LARGE1: variants seen among roughly 807,000 people sequenced by gnomAD.
LARGE1 encodes the protein xylosyl- and glucuronyltransferase LARGE1.
A neutral mutation model predicts 87.6 loss-of-function variants in LARGE1; 43 were observed. The ratio of observed to expected loss-of-function variants is 0.49; its 90% confidence interval spans 0.38 to 0.63. The LOEUF (loss-of-function observed/expected upper bound fraction) is 0.63, where lower values mean the gene tolerates loss of function less well. LARGE1 is among the 30% of genes least tolerant of loss of function. The pLI is 0.00. For missense variants in LARGE1, 802 were observed against 1,000.2 expected, an observed-to-expected ratio of 0.80 and a Z score of 2.67; for synonymous variants, 434 against 394.6, an observed-to-expected ratio of 1.10 and a Z score of -1.18.
At chr22:33,417,920 T>C (rs188481162) in intron 7 of LARGE1, among the ~76,000 whole-genome samples, 159 of 152,334 alleles carry the variant, frequency 1.0e-3, no homozygotes, top group Admixed American at 1.7e-3. Flanking sequence ...CCTTTGACTC[T>C]ATCTCTTCTA....
At chr22:33,617,378 TC>T (rs1372450417) in intron 4 of LARGE1, among the ~76,000 whole-genome samples, 2 of 152,218 alleles carry the variant, frequency 1.3e-5, no homozygotes, top group Non-Finnish European at 2.9e-5. Flanking sequence ...TGAGTCTACA[TC>T]CTATTCTCTT....
intron 5 of LARGE1, among the ~76,000 whole-genome samples, chr22:33,602,872 C>G (rs945298613): frequency 2.0e-5 from 3 of 152,172 alleles, no homozygotes; most frequent in African/African-American, 7.2e-5. Flanking sequence ...TGGCACTGGA[C>G]TCCTACCCAA....
intron 12 of LARGE1, among the ~76,000 whole-genome samples, chr22:33,291,253 G>A (rs1932494461): frequency 6.6e-6 from 1 of 152,170 alleles, no homozygotes; most frequent in Admixed American, 6.5e-5. Flanking sequence ...TTCACAGTGA[G>A]TGAAGACCCG....
intron 7 of LARGE1, among the ~76,000 whole-genome samples, chr22:33,394,214 T>C (rs2065638985): frequency 6.6e-6 from 1 of 151,168 alleles, no homozygotes; most frequent in Non-Finnish European, 1.5e-5. Flanking sequence ...TTTTTTTTTT[T>C]TTGAGACAGA....
intron 6 of LARGE1, among the ~76,000 whole-genome samples, chr22:33,476,873 T>A (rs1254239581): frequency 6.6e-6 from 1 of 152,164 alleles, no homozygotes; most frequent in Non-Finnish European, 1.5e-5. Context: ...GACCTTTTCA[T>A]GCACGCAACA....
intron 11 of LARGE1, among the ~76,000 whole-genome samples, chr22:33,307,524 A>T (rs567121602): frequency 1.2e-3 from 178 of 152,242 alleles, no homozygotes; most frequent in African/African-American, 4.1e-3. Context: ...TCTGTCTCAA[A>T]GTTCCACAAT....
intron 11 of LARGE1, among the ~76,000 whole-genome samples, chr22:33,183,785 T>C (rs889863443): frequency 2.0e-5 from 3 of 152,036 alleles, no homozygotes; most frequent in African/African-American, 7.2e-5. Flanking sequence ...AGACGGGTTC[T>C]ATTTGGACGC....
Position 33,304,419 on chromosome 22 carries a change from G to C in LARGE1, c.1540C>G (p.Leu514Val). Residue 514 changes from leucine to valine, a missense_variant, in exon 12 of 15, where the codon CTC (leucine) becomes GTC (valine). Around this residue, in one of 2 missense-constraint regions of LARGE1, gnomAD observed 625 missense variants for 841.9 expected, o/e 0.74. Transcript: ENST00000397394. ...YLSDAEAQQFLRYAQGSEVLM... is the reference protein window; with the variant it reads ...YLSDAEAQQFVRYAQGSEVLM... ...ACCTCAGAGCCCTGTGCGTAGCGGA[G>C]GAACTGCTGGGCCTCGGCGTCTGAC... 6.2e-7 allele frequency: 1 copy of C among 1,614,244 alleles called. No individual in the cohort carries two copies. Among genetic ancestry groups the C allele is most frequent in the Non-Finnish European group, 8.5e-7 (1 of 1,180,048 alleles).
intron 11 of LARGE1, among the ~76,000 whole-genome samples, chr22:33,310,690 A>T (rs970117763): frequency 2.6e-5 from 4 of 152,116 alleles, no homozygotes; most frequent in African/African-American, 9.7e-5. Context: ...GCTGCATCAT[A>T]ATCGGATGTG....
intron 9 of LARGE1, among the ~76,000 whole-genome samples, chr22:33,377,627 T>A (rs578121828): frequency 7.2e-5 from 11 of 152,358 alleles, no homozygotes; most frequent in South Asian, 2.1e-4. Context: ...TTCTTCTAGG[T>A]ATACAACCTG....
intron 9 of LARGE1, among the ~76,000 whole-genome samples, chr22:33,349,122 G>C (rs556241126): frequency 6.6e-6 from 1 of 152,168 alleles, no homozygotes; most frequent in Non-Finnish European, 1.5e-5. Flanking sequence ...TTTCTTCATA[G>C]AAGTATGAAG....
At chr22:33,435,285 A>G (rs2067228338) in intron 6 of LARGE1, among the ~76,000 whole-genome samples, 1 of 152,166 alleles carries the variant, frequency 6.6e-6, no homozygotes, top group Non-Finnish European at 1.5e-5. Context: ...TACAGGCGTG[A>G]GCCACCATGC....
At chr22:33,687,385 C>CTT (rs35130764) in intron 2 of LARGE1, among the ~76,000 whole-genome samples, 4 of 143,650 alleles carry the variant, frequency 2.8e-5, no homozygotes, top group African/African-American at 1.0e-4. Flanking sequence ...TACCTTGCTG[C>CTT]TTTTTTTTTT....
At chr22:33,566,602 G>GA (rs2078033476) in intron 5 of LARGE1, among the ~76,000 whole-genome samples, 1 of 152,224 alleles carries the variant, frequency 6.6e-6, no homozygotes, top group Admixed American at 6.5e-5. Context: ...TGTGAAGAGC[G>GA]AAAGAACAAA....
At chr22:33,632,553 T>C (rs1035214054) in intron 3 of LARGE1, among the ~76,000 whole-genome samples, 3 of 208 alleles carry the variant, frequency 0.014, no homozygotes, top group Admixed American at 0.14. Context: ...AGGGGCCCAA[T>C]CACACAAGTT....
chr22:33,763,515 C>T (rs2084800920), intron 1 of LARGE1, among the ~76,000 whole-genome samples: 1 of 152,156 alleles, frequency 6.6e-6, no homozygotes, highest in Non-Finnish European at 1.5e-5. Flanking sequence ...ACACATTCCA[C>T]CAGTCACAGA....
At chr22:33,442,298 C>T (rs186244098) in intron 6 of LARGE1, among the ~76,000 whole-genome samples, 56 of 152,324 alleles carry the variant, frequency 3.7e-4, no homozygotes, top group Admixed American at 1.8e-3. Context: ...CTAACTGCTA[C>T]AGACACAGCA....
At chr22:33,196,100 A>C (rs1427778054) in intron 11 of LARGE1, among the ~76,000 whole-genome samples, 3 of 151,384 alleles carry the variant, frequency 2.0e-5, no homozygotes, top group African/African-American at 7.3e-5. Context: ...AACCAGAAAA[A>C]GAAAAGCAGA....
chr22:33,824,517 A>G (rs1191251958), intron 1 of LARGE1, among the ~76,000 whole-genome samples: 1 of 152,150 alleles, frequency 6.6e-6, no homozygotes, highest in Non-Finnish European at 1.5e-5. Flanking sequence ...CCTCCAACAC[A>G]TGGGGATTAC....
Sources: gnomAD v4.1 joint callset for allele counts (sites outside exome capture counted in the v4.1 genomes callset) on GRCh38, gnomAD v4.1.1 for gene constraint, gnomAD v4.1.1 regional missense constraint, MANE v1.5 for transcripts, NCBI Gene and HGNC (gene_info 2026-07-23, HGNC 2026-07-21) for gene names.